TMCO4: variants seen among roughly 807,000 people sequenced by gnomAD.
The protein encoded by TMCO4 is transmembrane and coiled-coil domain-containing protein 4.
A neutral mutation model predicts 64.7 loss-of-function variants in TMCO4; 58 were observed. The observed-to-expected ratio is 0.90, with a 90% confidence interval of 0.73 to 1.12. The LOEUF is 1.12. Among genes scored for constraint, TMCO4 ranks in the 50% most tolerant of loss-of-function variants. TMCO4 has a pLI of 0.00. For missense variants in TMCO4, 780 were observed against 825.9 expected (o/e 0.94, Z 0.68); for synonymous variants, 325 against 346.1 (o/e 0.94, Z 0.68).
chr1:19,683,483 A>C (rs756064302), intron 15 of TMCO4, 39 bp from the exon 16 acceptor site: 77 of 1,605,128 alleles, frequency 4.8e-5, no homozygotes, highest in Non-Finnish European at 6.0e-5. Flanking sequence ...GTGGGTGTGC[A>C]GAGCCCAGCC....
chr1:19,793,676 T>C (rs548725312), intron 2 of TMCO4, among the ~76,000 whole-genome samples: 7 of 152,172 alleles, frequency 4.6e-5, no homozygotes, highest in African/African-American at 1.7e-4. Context: ...ACAGAGATGC[T>C]GGCATGGAAG....
In TMCO4 at chr1:19,732,183, C is replaced by T. The variant is rs1458293232; in HGVS notation, c.1264+5189G>A. Reference sequence around the variant, plus strand: ...AAGCTATGGCTAACTAAGGGACAGACCCCTCTCAGTGTGGCTTTTGCTCTG... The same window carrying T: ...AAGCTATGGCTAACTAAGGGACAGATCCCTCTCAGTGTGGCTTTTGCTCTG... On this transcript the variant is annotated intron_variant, in intron 13 of 15. Transcript: ENST00000294543. The surrounding 1 kb of genome is among the most constrained non-coding windows in gnomAD (Gnocchi z 4.8). Among the ~76,000 whole-genome samples the T allele has an allele frequency of 6.6e-6, 1 of 152,084 alleles. No individual in the cohort carries two copies. Among genetic ancestry groups the T allele is most frequent in the African/African-American group, 2.4e-5 (1 of 41,426 alleles).
chr1:19,708,910 G>C (rs1413114057), intron 13 of TMCO4, among the ~76,000 whole-genome samples: 1 of 152,174 alleles, frequency 6.6e-6, no homozygotes, highest in Non-Finnish European at 1.5e-5. Flanking sequence ...CGAGTGATAA[G>C]GTAGAAACCA....
rs1395711851 is a variant in TMCO4, at chr1:19,787,122, G to A, written c.-100-5C>T. The A allele has an allele frequency of 2.0e-5, 3 of 152,312 alleles. No homozygotes were observed. The highest frequency in any genetic ancestry group is 4.4e-5 in the Non-Finnish European group (3 of 68,054). 9.4% of individuals were successfully genotyped at this position (152,312 alleles called of 1,614,324 possible). On this transcript the variant is annotated splice_region_variant and splice_polypyrimidine_tract_variant and intron_variant, in intron 2 of 15. Transcript: ENST00000294543. ...TGGAGAAATATGCAAATTGCCCTGCGGGAGAAAACCAGAAAAACCAGCCTG... is the reference window on the plus strand; with the variant it reads ...TGGAGAAATATGCAAATTGCCCTGCAGGAGAAAACCAGAAAAACCAGCCTG...
rs143214865 is a variant in TMCO4, at chr1:19,745,554, C to T, written c.855G>A (p.Gly285=). ...CACGGTATTTGCCAGAAGCGAGCCA[C>T]CCCGTGACGGCGATGGTGATGTGCA... ...RQLHITIAVT[G]WLASGKYRTF... Residue 285 remains glycine (G), a synonymous_variant, in exon 10 of 16, where the codon GGG becomes GGA. Coordinates refer to ENST00000294543, the MANE Select transcript of TMCO4 (RefSeq NM_181719.7). 2,227 of 1,614,154 alleles carry T rather than the reference C, an allele frequency of 1.4e-3. 3 individuals carry two copies. Among genetic ancestry groups the T allele is most frequent in the Non-Finnish European group, 1.6e-3 (1,946 of 1,180,022 alleles).
At chr1:19,693,997 T>C (rs2095217723) in intron 15 of TMCO4, among the ~76,000 whole-genome samples, 1 of 152,016 alleles carries the variant, frequency 6.6e-6, no homozygotes, top group Admixed American at 6.6e-5. Flanking sequence ...TAGTTGTATA[T>C]CTATGTGTGT....
chr1:19,716,165 T>TTTATTA (rs35582165), intron 13 of TMCO4, among the ~76,000 whole-genome samples: 12,545 of 144,788 alleles, frequency 0.087, 1,455 homozygotes, highest in African/African-American at 0.26. Flanking sequence ...TTATTTTTAT[T>TTTATTA]TTATTATTAT....
In TMCO4 at chr1:19,768,070, C is replaced by T. The variant is rs528745980; in HGVS notation, c.382+2472G>A. Among the ~76,000 whole-genome samples the T allele has an allele frequency of 1.8e-4, 25 of 141,172 alleles. No individual in the cohort carries two copies. In the East Asian group the frequency reaches 2.5e-3, roughly 14 times the overall value. The allele number at this position is 141,172 out of a possible 152,430, so 92.6% of individuals were successfully genotyped here. A position where few individuals can be genotyped will look rare whatever the true frequency, so the allele number is the denominator to read the frequency against. On this transcript the variant is annotated intron_variant, in intron 6 of 15. Transcript: ENST00000294543. ...TCATGCCACCTGTACTCCAGCCTGG[C>T]GGACAAGAGCGAAACTTCATCTCAA...
At chr1:19,773,105 G>A (rs374443108) in intron 4 of TMCO4, among the ~76,000 whole-genome samples, 12 of 152,252 alleles carry the variant, frequency 7.9e-5, no homozygotes, top group Admixed American at 6.5e-5. Flanking sequence ...CACAAGAGTC[G>A]CTTGAACCCA....
intron 4 of TMCO4, among the ~76,000 whole-genome samples, chr1:19,773,905 C>T (rs2043094390): frequency 6.6e-6 from 1 of 152,114 alleles, no homozygotes. Flanking sequence ...AGTCCAACCA[C>T]CTGGGGGAGT....
chr1:19,798,827 G>A (rs1407169325), intron 1 of TMCO4, among the ~76,000 whole-genome samples: 1 of 152,220 alleles, frequency 6.6e-6, no homozygotes, highest in African/African-American at 2.4e-5. Flanking sequence ...TATCCTCGTT[G>A]CCTAAACAAT....
At chr1:19,773,686 T>C (rs2043085003) in intron 4 of TMCO4, among the ~76,000 whole-genome samples, 1 of 152,188 alleles carries the variant, frequency 6.6e-6, no homozygotes, top group Non-Finnish European at 1.5e-5. Context: ...CTCAGTGTCC[T>C]TATCTGCAAA....
Position 19,739,796 on chromosome 1 carries a change from C to T in TMCO4, c.1179+28G>A, listed in dbSNP as rs777912210. On this transcript the variant is annotated intron_variant, in intron 12 of 15. Coordinates refer to ENST00000294543, the MANE Select transcript of TMCO4 (RefSeq NM_181719.7). ...ACCTGACTTCCCCTCTTGCTCAATGCCACGCCCACACAGCCATTCCCAGGT... is the reference window on the plus strand; with the variant it reads ...ACCTGACTTCCCCTCTTGCTCAATGTCACGCCCACACAGCCATTCCCAGGT... The T allele has an allele frequency of 2.4e-5, 38 of 1,606,136 alleles. 1 individual carries two copies. In the Admixed American group the frequency reaches 6.2e-4, roughly 26 times the overall value.
chr1:19,779,131 G>C (rs1237856809), intron 4 of TMCO4, among the ~76,000 whole-genome samples: 1 of 152,218 alleles, frequency 6.6e-6, no homozygotes, highest in Non-Finnish European at 1.5e-5. Context: ...ACCACTGAGT[G>C]TATGTGGGGG....
intron 10 of TMCO4, 112 bp downstream of exon 10, chr1:19,745,420 C>G: frequency 1.3e-6 from 2 of 1,510,696 alleles, no homozygotes; most frequent in African/African-American, 1.4e-5. Context: ...TCTTCCTCTG[C>G]GAAATGGGGC....
At chr1:19,781,257 T>G (rs1424020801) in intron 3 of TMCO4, among the ~76,000 whole-genome samples, 1 of 151,558 alleles carries the variant, frequency 6.6e-6, no homozygotes, top group Non-Finnish European at 1.5e-5. Context: ...GCCCAGGAGT[T>G]CAAGACCAGC....
At chr1:19,715,059 T>C (rs1056804625) in intron 13 of TMCO4, among the ~76,000 whole-genome samples, 1 of 152,048 alleles carries the variant, frequency 6.6e-6, no homozygotes, top group African/African-American at 2.4e-5. Context: ...CTGGGCAATG[T>C]AGGAAGTCCC....
In TMCO4 at chr1:19,683,168, C is replaced by G; in HGVS notation, c.1777G>C (p.Gly593Arg). Residue 593 changes from glycine to arginine, a missense_variant, in exon 16 of 16, where the codon GGG becomes CGG. Physicochemically the swap from Gly to Arg is moderately radical, Grantham distance 125 (BLOSUM62 -2). Transcript: ENST00000294543. ...QVPVGLDQSEGASLPAAASPE... is the reference protein window; with the variant it reads ...QVPVGLDQSERASLPAAASPE... ...CTGGCAGCAGCAGGAAGGGAGGCCCCTTCAGACTGGTCCAGCCCTACTGGC... is the reference window on the plus strand; with the variant it reads ...CTGGCAGCAGCAGGAAGGGAGGCCCGTTCAGACTGGTCCAGCCCTACTGGC... 6.2e-7 allele frequency: 1 copy of G among 1,614,246 alleles called. No individual in the cohort carries two copies. The highest frequency in any genetic ancestry group is 8.5e-7 in the Non-Finnish European group (1 of 1,180,034).
At chr1:19,769,669 C>T (rs1478794913) in intron 6 of TMCO4, among the ~76,000 whole-genome samples, 2 of 152,084 alleles carry the variant, frequency 1.3e-5, no homozygotes, top group Non-Finnish European at 2.9e-5. Context: ...CAGAAGAAGC[C>T]ACTTATGCAA....
Sources: gnomAD v4.1 joint callset for allele counts (sites outside exome capture counted in the v4.1 genomes callset) on GRCh38, gnomAD v4.1.1 for gene constraint, Gnocchi (gnomAD v3.1) non-coding constraint, MANE v1.5 for transcripts, NCBI Gene and HGNC (gene_info 2026-07-23, HGNC 2026-07-21) for gene names.